The following INO80D variants were observed in gnomAD, a reference collection of about 807,000 sequenced individuals.
The protein encoded by INO80D is INO80 complex subunit D.
INO80D carries 21 observed loss-of-function variants against 87.6 expected under a neutral mutation model. The ratio of observed to expected loss-of-function variants is 0.24; its 90% CI spans 0.17 to 0.35. The LOEUF is 0.35. INO80D is among the 10% of genes least tolerant of loss of function. The pLI is 1.00. For synonymous variants in INO80D, 440 were observed against 491.0 expected, an observed-to-expected ratio of 0.90 and a Z score of 1.37; for missense variants, 982 against 1,280.7, an observed-to-expected ratio of 0.77 and a Z score of 3.56.
chr2:206,052,884 C>T lies in INO80D; in HGVS notation c.964+3314G>A, dbSNP rs141013871. 2.8e-3 allele frequency among the ~76,000 whole-genome samples: 419 copies of T among 151,974 alleles called. 2 individuals carry two copies. Among genetic ancestry groups the T allele is most frequent in the Non-Finnish European group, 4.8e-3 (326 of 67,950 alleles). On this transcript the variant is annotated intron_variant, in intron 4 of 10. Coordinates refer to ENST00000403263, the MANE Select transcript of INO80D (RefSeq NM_017759.5). ...CCCATACATAAGAGCTTTATGGTTT[C>T]CTTATTAATTTTTAAGTGTAAAGGA...
rs554181608 is a variant in INO80D, at chr2:206,051,123, T to C, written c.965-4511A>G. ...ATTCTTGGGATGAAGAGAATCCAAA[T>C]AAGCAAGCAAACCAAAACCCAGACT... On this transcript the variant is annotated intron_variant, in intron 4 of 10. Transcript: ENST00000403263. 2.0e-5 allele frequency among the ~76,000 whole-genome samples: 3 copies of C among 152,200 alleles called. No individual in the cohort carries two copies. In the South Asian group the frequency reaches 6.2e-4, roughly 32 times the overall value.
At chr2:206,034,634 A>G (rs549427804) in intron 5 of INO80D, among the ~76,000 whole-genome samples, 1 of 151,082 alleles carries the variant, frequency 6.6e-6, no homozygotes, top group African/African-American at 2.4e-5. Context: ...CACAGCCAAC[A>G]TAATACTGAA....
rs775827992 is a variant in INO80D, at chr2:206,004,576, G to C, written c.2876C>G (p.Ser959Cys). ...AGAGGTGGAGGCCATTAGTTCAGCA[G>C]AAGGCCCCATGCCACTGAAGCTGGT... ...PQTSFSGMGP[S>C]AELMASTSPK... The change falls in exon 11 of 11, where the codon TCT (serine) becomes TGT (cysteine). Residue 959 changes from serine (S) to cysteine (C), a missense_variant. Coordinates refer to ENST00000403263, the MANE Select transcript of INO80D (RefSeq NM_017759.5). The surrounding 1 kb of genome is among the most constrained non-coding windows in gnomAD (Gnocchi z 4.9). 13 of 1,611,378 alleles carry C rather than the reference G, an allele frequency of 8.1e-6. No individual in the cohort carries two copies. The African/African-American group carries it at 1.7e-4, about 22-fold the overall frequency.
intron 5 of INO80D, among the ~76,000 whole-genome samples, chr2:206,038,027 A>C (rs1215724336): frequency 1.3e-5 from 2 of 152,346 alleles, no homozygotes; most frequent in African/African-American, 4.8e-5. Flanking sequence ...GGTACTAAAA[A>C]ACATGTTCAC....
At chr2:206,058,075 CATTGAAAAGTTAGGTATTT>C (rs1472087186) in intron 3 of INO80D, among the ~76,000 whole-genome samples, 1 of 152,054 alleles carries the variant, frequency 6.6e-6, no homozygotes, top group Non-Finnish European at 1.5e-5. Context: ...TCTGTGTGGG[CATTGAAAAGTTAGGTATTT>C]ATTGTTGTCT....
chr2:205,994,464 T>G lies in INO80D; in HGVS notation c.*9904A>C, dbSNP rs1575778876. The G allele has an allele frequency of 6.6e-6, 1 of 152,330 alleles. No homozygotes were observed. Among genetic ancestry groups the G allele is most frequent in the African/African-American group, 2.4e-5 (1 of 41,576 alleles). The allele number at this position is 152,330 out of a possible 1,614,324, so 9.4% of individuals were successfully genotyped here. The stretch of plus-strand genomic sequence containing the variant: ...GGTTTCAAATAAGCTACCTCACCTT[T>G]GATTTCCCACTGCAACTTGGTTTCA... On this transcript the variant is annotated 3_prime_UTR_variant, in exon 11 of 11. Coordinates refer to ENST00000403263, the MANE Select transcript of INO80D (RefSeq NM_017759.5).
intron 4 of INO80D, among the ~76,000 whole-genome samples, chr2:206,052,533 G>A (rs1456114659): frequency 6.6e-6 from 1 of 152,192 alleles, no homozygotes; most frequent in African/African-American, 2.4e-5. Context: ...TGACAGGCCA[G>A]GCACAGTGAC....
chr2:206,009,078 G>A (rs1230759508), intron 9 of INO80D, among the ~76,000 whole-genome samples: 1 of 152,220 alleles, frequency 6.6e-6, no homozygotes, highest in East Asian at 1.9e-4. Flanking sequence ...GGGAGGCCGA[G>A]GCAGGTGGAT....
chr2:206,046,168 T>A (rs921006020), intron 5 of INO80D, among the ~76,000 whole-genome samples: 3 of 152,132 alleles, frequency 2.0e-5, no homozygotes, highest in Non-Finnish European at 2.9e-5. Flanking sequence ...TATTTTACAA[T>A]AAAACTAGAT....
At chr2:206,030,462 C>CA (rs5838009) in intron 5 of INO80D, among the ~76,000 whole-genome samples, 49,379 of 140,326 alleles carry the variant, frequency 0.35, 8,660 homozygotes, top group South Asian at 0.6. Flanking sequence ...GACTTTGTCT[C>CA]AAAAAAAAAA....
intron 1 of INO80D, among the ~76,000 whole-genome samples, chr2:206,075,322 A>C (rs1389875032): frequency 1.3e-5 from 2 of 152,018 alleles, no homozygotes; most frequent in Non-Finnish European, 2.9e-5. Context: ...TGTTCTTTTG[A>C]TTCTCCTGTT....
Position 205,994,202 on chromosome 2 carries a change from A to C in INO80D, c.*10166T>G, listed in dbSNP as rs776708191. ...GCTCCTAACTTTTGTGCATATAATT[A>C]AACTCCCAGCCACTATGAACACAAA... is the stretch of plus-strand genomic sequence containing the variant. On this transcript the variant is annotated 3_prime_UTR_variant, in exon 11 of 11. Coordinates refer to ENST00000403263, the MANE Select transcript of INO80D (RefSeq NM_017759.5). 1 of 152,172 alleles carries C rather than the reference A, an allele frequency of 6.6e-6. No homozygotes were observed. Among genetic ancestry groups the C allele is most frequent in the Admixed American group, 6.5e-5 (1 of 15,278 alleles). 9.4% of individuals were successfully genotyped at this position (152,172 alleles called of 1,614,324 possible). A position where few individuals can be genotyped will look rare whatever the true frequency, so the allele number is the denominator to read the frequency against.
intron 5 of INO80D, among the ~76,000 whole-genome samples, chr2:206,036,491 C>T (rs1473947127): frequency 6.6e-6 from 1 of 152,102 alleles, no homozygotes; most frequent in African/African-American, 2.4e-5. Context: ...AATGGAAAAC[C>T]AAACATCCTA....
At chr2:206,013,735 GC>G (rs779860013) in intron 8 of INO80D, among the ~76,000 whole-genome samples, 26 of 150,682 alleles carry the variant, frequency 1.7e-4, no homozygotes, top group Non-Finnish European at 3.4e-4. Context: ...TGATTTGAAA[GC>G]TACAGGGCCC....
At chr2:206,040,007 C>T (rs1689001298) in intron 5 of INO80D, among the ~76,000 whole-genome samples, 1 of 151,298 alleles carries the variant, frequency 6.6e-6, no homozygotes, top group Non-Finnish European at 1.5e-5. Flanking sequence ...AAAAAAAAGC[C>T]CAGGCCCAGG....
At chr2:206,074,765 C>T (rs1473023358) in intron 1 of INO80D, among the ~76,000 whole-genome samples, 1 of 152,076 alleles carries the variant, frequency 6.6e-6, no homozygotes, top group Non-Finnish European at 1.5e-5. Context: ...CATGGAGAAA[C>T]CCAGTCTCTA....
chr2:206,009,599 G>T lies in INO80D; in HGVS notation c.1738C>A (p.Pro580Thr). ...NLSMPASVSLPVEASHIRSPS... is the reference protein window; with the variant it reads ...NLSMPASVSLTVEASHIRSPS... ...GACCGGATGTGAGAGGCCTCCACTG[G>T]CAGTGAGACGCTGGCGGGCATGCTG... Residue 580 changes from proline (P) to threonine (T), a missense_variant, in exon 9 of 11, where the codon CCA becomes ACA. Coordinates refer to ENST00000403263, the MANE Select transcript of INO80D (RefSeq NM_017759.5). 1.2e-6 allele frequency: 2 copies of T among 1,613,440 alleles called. No homozygotes were observed. The highest frequency in any genetic ancestry group is 1.7e-6 in the Non-Finnish European group (2 of 1,179,710).
At chr2:206,066,284 G>A (rs190585125) in intron 1 of INO80D, among the ~76,000 whole-genome samples, 10 of 151,834 alleles carry the variant, frequency 6.6e-5, no homozygotes, top group Admixed American at 6.6e-4. Context: ...TAAAATAACA[G>A]TATGAAGGTT....
intron 6 of INO80D, among the ~76,000 whole-genome samples, chr2:206,025,440 A>AT (rs1456756141): frequency 6.7e-6 from 1 of 148,726 alleles, no homozygotes; most frequent in African/African-American, 2.5e-5. Flanking sequence ...AGGCAGGAGA[A>AT]TTGCTTGAAC....
Sources: allele counts gnomAD v4.1 joint callset (sites outside exome capture counted in the v4.1 genomes callset), GRCh38; gene constraint gnomAD v4.1.1; non-coding constraint Gnocchi (gnomAD v3.1); transcripts MANE v1.5; gene names NCBI Gene and HGNC (gene_info 2026-07-23, HGNC 2026-07-21).